The following FBXW10 variants were observed in gnomAD, a reference collection of about 807,000 sequenced individuals.
FBXW10 encodes F-box and WD repeat domain containing 10.
A neutral mutation model predicts 113.1 loss-of-function variants in FBXW10; 68 were observed. The ratio of observed to expected loss-of-function variants is 0.60; its 90% CI spans 0.49 to 0.74. The LOEUF (loss-of-function observed/expected upper bound fraction) is 0.74. Ranked by LOEUF, FBXW10 falls within the 30% of genes least tolerant of loss-of-function variation. The pLI, the probability that FBXW10 is intolerant of heterozygous loss-of-function variation, is 0.00. For synonymous variants in FBXW10, 289 were observed against 481.6 expected, an observed-to-expected ratio of 0.60 and a Z score of 5.24; for missense variants, 753 against 1,284.5, an observed-to-expected ratio of 0.59 and a Z score of 6.32.
chr17:18,774,462 T>C (rs2035668902), intron 12 of FBXW10, among the ~76,000 whole-genome samples: 1 of 152,220 alleles, frequency 6.6e-6, no homozygotes, highest in Non-Finnish European at 1.5e-5. Context: ...AAGGGATAAG[T>C]TCCAGCGTTT....
chr17:18,749,510 A>G (rs567739741), intron 2 of FBXW10, among the ~76,000 whole-genome samples: 7 of 151,992 alleles, frequency 4.6e-5, no homozygotes, highest in Non-Finnish European at 8.8e-5. Flanking sequence ...TCGCGCCACT[A>G]CACTCCAACC....
intron 7 of FBXW10, among the ~76,000 whole-genome samples, chr17:18,763,858 CTTCT>C (rs1459531622): frequency 1.3e-5 from 2 of 149,558 alleles, no homozygotes; most frequent in Non-Finnish European, 3.0e-5. Flanking sequence ...ATTCAGGACG[CTTCT>C]ATCTAAAAAC....
Position 18,770,088 on chromosome 17 carries a change from G to T in FBXW10, c.2006+3G>T. On this transcript the variant is annotated splice_donor_region_variant and intron_variant, in intron 11 of 13. Coordinates refer to ENST00000395665, the MANE Select transcript of FBXW10 (RefSeq NM_001267585.2). The stretch of plus-strand genomic sequence containing the variant: ...TCCTTCTTTATTCAGGGCAACAGGT[G>T]GGTGGTAGGTGTGGAGGTCAGAACT... 2 of 1,614,120 alleles carry T rather than the reference G, an allele frequency of 1.2e-6. No homozygotes were observed. The highest frequency in any genetic ancestry group is 1.7e-6 in the Non-Finnish European group (2 of 1,180,006).
chr17:18,770,747 T>C (rs1380810770), intron 11 of FBXW10, among the ~76,000 whole-genome samples: 1 of 152,152 alleles, frequency 6.6e-6, no homozygotes. Context: ...CTCTATCAGC[T>C]ATCTTTGATG....
rs1454377566 is a variant in FBXW10, at chr17:18,770,197, C to T, written c.2006+112C>T. On this transcript the variant is annotated intron_variant, in intron 11 of 13. Transcript: ENST00000395665. Reference sequence around the variant, plus strand: ...TTTGCTGTCAGGAGGAGAGAGTGTGCAATGCCTCTCTACAATTCTGGCTGG... The same window carrying T: ...TTTGCTGTCAGGAGGAGAGAGTGTGTAATGCCTCTCTACAATTCTGGCTGG... 6.8e-6 allele frequency: 10 copies of T among 1,480,792 alleles called. No homozygotes were observed. The East Asian group carries it at 2.0e-4, about 30-fold the overall frequency. 91.7% of individuals were successfully genotyped at this position (1,480,792 alleles called of 1,614,324 possible).
At position 18,778,775 on chromosome 17, in the gene FBXW10, T is replaced by C; in HGVS notation, c.2636T>C (p.Val879Ala). 1 of 1,613,762 alleles carries C rather than the reference T, an allele frequency of 6.2e-7. No individual in the cohort carries two copies. Among genetic ancestry groups the C allele is most frequent in the South Asian group, 1.1e-5 (1 of 91,068 alleles). Residue 879 changes from valine to alanine, a missense_variant, in exon 14 of 14, where the codon GTG becomes GCG. Coordinates refer to ENST00000395665, the MANE Select transcript of FBXW10 (RefSeq NM_001267585.2). ...AGATTGAGCAATCCTCCTATAGATGTGAAACGAACCAGTATTCCCCTTGAA... is the reference window on the plus strand; with the variant it reads ...AGATTGAGCAATCCTCCTATAGATGCGAAACGAACCAGTATTCCCCTTGAA... ...RLRLSNPPID[V>A]KRTSIPLEIQ...
chr17:18,772,704 C>T, intron 12 of FBXW10, 21 bp downstream of exon 12: 1 of 1,600,332 alleles, frequency 6.2e-7, no homozygotes, highest in African/African-American at 1.3e-5. Context: ...GAAATACCAG[C>T]AAGTTCAGTG....
chr17:18,760,248 CAT>C lies in FBXW10; in HGVS notation c.1433+1746_1433+1747del, dbSNP rs546071981. Among the ~76,000 whole-genome samples, 14 of 152,254 alleles carry C rather than the reference CAT, an allele frequency of 9.2e-5. No individual in the cohort carries two copies. In the South Asian group the frequency reaches 2.9e-3, roughly 32 times the overall value. On this transcript the variant is annotated intron_variant, in intron 7 of 13. Coordinates refer to ENST00000395665, the MANE Select transcript of FBXW10 (RefSeq NM_001267585.2). ...TTACTAATGAAGTTGAACACCTTTTCATATGTGTATTAGTCAGGGTCTCCAGA... is the reference window on the plus strand; with the variant it reads ...TTACTAATGAAGTTGAACACCTTTTCATGTGTATTAGTCAGGGTCTCCAGA...
chr17:18,777,643 A>G (rs977602973), intron 13 of FBXW10, among the ~76,000 whole-genome samples: 1 of 150,792 alleles, frequency 6.6e-6, no homozygotes, highest in Non-Finnish European at 1.5e-5. Context: ...TCCTGGGTTC[A>G]TGCCATTCTC....
In FBXW10 at chr17:18,750,973, G is replaced by A. The variant is rs761931712; in HGVS notation, c.1042G>A (p.Val348Ile). The change falls in exon 5 of 14, where the codon GTT (valine) becomes ATT (isoleucine). Residue 348 changes from valine to isoleucine, a missense_variant. Val to Ile is a conservative substitution (Grantham distance 29, BLOSUM62 3). Transcript: ENST00000395665. ...AATTGATCCTAATTATGCCAATAAG[G>A]TTTCTATCCCAGTTCCTAAAATGGT... The part of the protein sequence containing the change: ...RGIDPNYANK[V>I]SIPVPKMVDD... The A allele has an allele frequency of 1.2e-6, 2 of 1,614,070 alleles. No individual in the cohort carries two copies. The highest frequency in any genetic ancestry group is 1.7e-6 in the Non-Finnish European group (2 of 1,180,016).
intron 5 of FBXW10, among the ~76,000 whole-genome samples, chr17:18,752,643 G>T (rs190702780): frequency 3.4e-4 from 51 of 151,640 alleles, no homozygotes; most frequent in Admixed American, 5.3e-4. Flanking sequence ...AACCCGGGAG[G>T]CAGAGCTTGC....
chr17:18,777,069 T>G (rs1391531891), intron 13 of FBXW10, among the ~76,000 whole-genome samples: 4 of 150,530 alleles, frequency 2.7e-5, no homozygotes, highest in South Asian at 4.2e-4. Context: ...TCAGTTTTTT[T>G]TTTTTTTTTT....
At chr17:18,774,511 T>G (rs1312113227) in intron 12 of FBXW10, among the ~76,000 whole-genome samples, 1 of 152,128 alleles carries the variant, frequency 6.6e-6, no homozygotes, top group Non-Finnish European at 1.5e-5. Context: ...CAATAATGTA[T>G]AGCCGGGCGC....
chr17:18,749,614 G>A (rs1245926421), intron 2 of FBXW10, 108 bp from the exon 3 acceptor site: 4 of 1,461,452 alleles, frequency 2.7e-6, no homozygotes, highest in Non-Finnish European at 3.8e-6. Flanking sequence ...TAAGGTTAGA[G>A]TCTGAGGAGG....
chr17:18,756,120 T>C lies in FBXW10; in HGVS notation c.1198T>C (p.Cys400Arg), dbSNP rs756396074. Residue 400 changes from cysteine to arginine, a missense_variant, in exon 6 of 14, where the codon TGT (cysteine) becomes CGT (arginine). Physicochemically the swap from Cys to Arg is radical, Grantham distance 180. Coordinates refer to ENST00000395665, the MANE Select transcript of FBXW10 (RefSeq NM_001267585.2). ...QVLIEERNVF[C>R]GTYNVRILSD... ...CCTGATAGAGGAGAGAAATGTTTTC[T>C]GTGGGACCTACAATGTTCGCATTCT... The C allele has an allele frequency of 1.9e-5, 31 of 1,613,890 alleles. No individual in the cohort carries two copies. Among genetic ancestry groups the C allele is most frequent in the Non-Finnish European group, 2.2e-5 (26 of 1,179,890 alleles).
intron 4 of FBXW10, among the ~76,000 whole-genome samples, chr17:18,750,513 C>T (rs541321686): frequency 2.0e-5 from 3 of 151,346 alleles, no homozygotes; most frequent in Non-Finnish European, 2.9e-5. Flanking sequence ...TATAAGGCTG[C>T]AAAGTTTTTT....
chr17:18,756,459 A>C (rs944430716), intron 6 of FBXW10, among the ~76,000 whole-genome samples: 2 of 152,160 alleles, frequency 1.3e-5, no homozygotes, highest in African/African-American at 4.8e-5. Context: ...AATTTTAGAA[A>C]TAATATACGG....
rs201657571 is a variant in FBXW10, at chr17:18,758,318, C to T, written c.1246C>T (p.Arg416Ter). Residue 416 changes from arginine (R) to a stop codon, truncating the protein, a stop_gained, in exon 7 of 14, where the codon CGA becomes TGA. Coordinates refer to ENST00000395665, the MANE Select transcript of FBXW10 (RefSeq NM_001267585.2). LOFTEE classifies it high-confidence loss of function. Reference sequence around the variant, plus strand: ...CCTGGCACTCAGGTGGGATCAAAACCGAGTCATCCACTATTCCGGGGGAGA... The same window carrying T: ...CCTGGCACTCAGGTGGGATCAAAACTGAGTCATCCACTATTCCGGGGGAGA... ...RILSDTWDQN[R>*]VIHYSGGDLI... The T allele has an allele frequency of 1.4e-4, 228 of 1,581,136 alleles. No individual in the cohort carries two copies. Among genetic ancestry groups the T allele is most frequent in the East Asian group, 2.7e-4 (12 of 44,392 alleles).
intron 5 of FBXW10, 106 bp downstream of exon 5, chr17:18,751,159 G>A (rs2035161699): frequency 6.9e-6 from 10 of 1,454,830 alleles, no homozygotes; most frequent in Non-Finnish European, 9.4e-6. Context: ...AGAGGATCAC[G>A]GCAGGTGACA....
Sources: gnomAD v4.1 joint callset for allele counts (sites outside exome capture counted in the v4.1 genomes callset) on GRCh38, gnomAD v4.1.1 for gene constraint, MANE v1.5 for transcripts, NCBI Gene and HGNC (gene_info 2026-07-23, HGNC 2026-07-21) for gene names.